The following APOL3 variants were observed in gnomAD, a reference collection of about 807,000 sequenced individuals.
APOL3 encodes the protein apolipoprotein L3.
APOL3 carries 14 observed loss-of-function variants against 11.6 expected under a neutral mutation model. That is an observed-to-expected ratio of 1.21 (90% confidence interval 0.80 to 1.89). APOL3 has a LOEUF of 1.89. APOL3 is among the 40% of genes most tolerant of loss of function. The probability of loss-of-function intolerance (pLI) is 0.00; values close to 1 mark genes in which losing one functional copy is unlikely to be tolerated. For synonymous variants in APOL3, 192 were observed against 190.6 expected, an observed-to-expected ratio of 1.01 and a Z score of -0.06; for missense variants, 483 against 492.1, an observed-to-expected ratio of 0.98 and a Z score of 0.17.
At chr22:36,160,324 C>T (rs1346121639) in intron 1 of APOL3, among the ~76,000 whole-genome samples, 1 of 152,196 alleles carries the variant, frequency 6.6e-6, no homozygotes, top group Admixed American at 6.5e-5. Context: ...TTCTCTGGTT[C>T]CTCCAAATAT....
chr22:36,144,975 C>T (rs2060132609), intron 2 of APOL3, among the ~76,000 whole-genome samples: 1 of 138,508 alleles, frequency 7.2e-6, no homozygotes, highest in African/African-American at 2.7e-5. Flanking sequence ...CATGCCACTG[C>T]ACTCCAGCCT....
At chr22:36,148,655 A>G (rs2060306748) in intron 1 of APOL3, among the ~76,000 whole-genome samples, 1 of 152,144 alleles carries the variant, frequency 6.6e-6, no homozygotes, top group Non-Finnish European at 1.5e-5. Flanking sequence ...GTCAGCTGGG[A>G]GCAGAGCGGG....
exon 3 of APOL3, chr22:36,140,919 T>G: frequency 6.4e-5 from 24 of 372,558 alleles, no homozygotes; most frequent in Middle Eastern, 7.4e-4. Flanking sequence ...CTCCCCCCAA[T>G]ATATTCGTTA....
rs547138211 is a variant in APOL3 at position 36,148,645 on chromosome 22, G to A, written c.224-3046C>T. On this transcript the variant is annotated intron_variant, in intron 1 of 2. Coordinates refer to ENST00000349314, the Ensembl canonical transcript of APOL3. ...TGGCCTGTGCTGGAAACACCCCAGG[G>A]TCAGCTGGGAGCAGAGCGGGAGGTC... 3.9e-5 allele frequency among the ~76,000 whole-genome samples: 6 copies of A among 152,324 alleles called. No individual in the cohort carries two copies. The South Asian group carries it at 1.2e-3, about 32-fold the overall frequency.
intron 1 of APOL3, among the ~76,000 whole-genome samples, chr22:36,151,411 C>T (rs1367513302): frequency 2.0e-5 from 3 of 150,932 alleles, no homozygotes; most frequent in African/African-American, 7.3e-5. Flanking sequence ...TCCTCAGGGA[C>T]ATAAAAATGT....
At chr22:36,150,106 C>A (rs2060378171) in intron 1 of APOL3, 1 of 347,048 alleles carries the variant, frequency 2.9e-6, no homozygotes, top group Admixed American at 3.9e-5. Context: ...GCCACTACAA[C>A]CAGCCTAAAT....
intron 1 of APOL3, among the ~76,000 whole-genome samples, chr22:36,151,154 A>G (rs1214942054): frequency 6.6e-6 from 1 of 152,242 alleles, no homozygotes; most frequent in East Asian, 1.9e-4. Flanking sequence ...TAGAGACTTC[A>G]TAACTGCATC....
upstream of APOL3, among the ~76,000 whole-genome samples, chr22:36,164,127 C>T (rs1373433923): frequency 1.3e-5 from 2 of 152,122 alleles, no homozygotes; most frequent in African/African-American, 2.4e-5. Flanking sequence ...TTTTCCAACA[C>T]CCATATTTAG....
chr22:36,140,524 A>G (rs2059949266), exon 3 of APOL3: 2 of 152,266 alleles, frequency 1.3e-5, no homozygotes, highest in African/African-American at 2.4e-5. Context: ...TTTTAGAGAC[A>G]CCTGGTCCTC....
chr22:36,158,675 C>A (rs117982527), intron 1 of APOL3, among the ~76,000 whole-genome samples: 1 of 152,034 alleles, frequency 6.6e-6, no homozygotes, highest in African/African-American at 2.4e-5. Context: ...AAAAATTAGC[C>A]GGGCGTGGTG....
chr22:36,141,257 C>A (rs1196722711), exon 3 of APOL3: 3 of 1,614,114 alleles, frequency 1.9e-6, no homozygotes, highest in South Asian at 2.2e-5. Flanking sequence ...CCATTAGATT[C>A]TCCTCCAGCT....
chr22:36,149,445 T>C (rs768469585), intron 1 of APOL3: 21 of 1,239,310 alleles, frequency 1.7e-5, no homozygotes, highest in Admixed American at 2.3e-5. Flanking sequence ...ACAGAGTCTA[T>C]ACACCGAAAT....
At chr22:36,141,222 A>G (rs749412233) in exon 3 of APOL3, 1 of 1,613,776 alleles carries the variant, frequency 6.2e-7, no homozygotes, top group Non-Finnish European at 8.5e-7. Flanking sequence ...GCATGGATTC[A>G]GACGCTGATA....
At chr22:36,142,321 C>T (rs969338498) in intron 2 of APOL3, among the ~76,000 whole-genome samples, 2 of 152,202 alleles carry the variant, frequency 1.3e-5, no homozygotes, top group South Asian at 2.1e-4. Context: ...GGTAGGTATT[C>T]GATAAAGATG....
chr22:36,155,701 G>T, intron 1 of APOL3: 1 of 162,406 alleles, frequency 6.2e-6, no homozygotes, highest in South Asian at 1.8e-4. Flanking sequence ...CAGGAGGGCA[G>T]AGAGAGCTGG....
chr22:36,144,722 A>G (rs1338731996), intron 2 of APOL3, among the ~76,000 whole-genome samples: 1 of 152,080 alleles, frequency 6.6e-6, no homozygotes, highest in Admixed American at 6.5e-5. Flanking sequence ...TCTAAGAAAA[A>G]CACTTGGTCG....
chr22:36,145,755 T>C (rs1392614891), intron 1 of APOL3, among the ~76,000 whole-genome samples, 156 bp from the exon 3 acceptor site: 3 of 152,144 alleles, frequency 2.0e-5, no homozygotes, highest in African/African-American at 7.2e-5. Context: ...TTGTGTGCCC[T>C]CCAAATTCAT....
At chr22:36,160,024 G>A (rs2013531083) in intron 1 of APOL3, among the ~76,000 whole-genome samples, 1 of 152,094 alleles carries the variant, frequency 6.6e-6, no homozygotes, top group Non-Finnish European at 1.5e-5. Context: ...TGGGATTACT[G>A]GCTTGTGCCA....
At chr22:36,147,987 G>A (rs144154785) in intron 1 of APOL3, among the ~76,000 whole-genome samples, 51 of 152,290 alleles carry the variant, frequency 3.3e-4, no homozygotes, top group African/African-American at 1.1e-3. Context: ...TACACGACTA[G>A]GAATTTTCCA....
Sources: gnomAD v4.1 joint callset for allele counts (sites outside exome capture counted in the v4.1 genomes callset) on GRCh38, gnomAD v4.1.1 for gene constraint, MANE v1.5 for transcripts, NCBI Gene and HGNC (gene_info 2026-07-23, HGNC 2026-07-21) for gene names.